Variants in SNTG1 observed in about 807,000 individuals in gnomAD.
The protein encoded by SNTG1 is gamma-1-syntrophin.
In SNTG1, 39 loss-of-function variants were observed where a neutral mutation model predicts 74.7. The ratio of observed to expected loss-of-function variants is 0.52; its 90% CI spans 0.40 to 0.68. SNTG1 has a LOEUF of 0.68. SNTG1 is among the 30% of genes least tolerant of loss of function. The probability of loss-of-function intolerance (pLI) is 0.00; values close to 1 mark genes in which losing one functional copy is unlikely to be tolerated. For synonymous variants in SNTG1, 254 were observed against 217.1 expected (o/e 1.17, Z -1.49); for missense variants, 685 against 609.5 (o/e 1.12, Z -1.30).
intron 2 of SNTG1, among the ~76,000 whole-genome samples, chr8:50,210,122 G>A (rs1226174632): frequency 6.6e-6 from 1 of 152,150 alleles, no homozygotes; most frequent in East Asian, 1.9e-4. Context: ...GGAAGAAGGA[G>A]TATCAGTGAT....
chr8:50,728,013 C>T (rs559671456), intron 17 of SNTG1, among the ~76,000 whole-genome samples: 2 of 152,236 alleles, frequency 1.3e-5, no homozygotes, highest in South Asian at 4.1e-4. Flanking sequence ...CCTCCACTTG[C>T]ACAGTACAGA....
At chr8:50,105,247 T>C (rs2080321258) in intron 1 of SNTG1, among the ~76,000 whole-genome samples, 1 of 152,182 alleles carries the variant, frequency 6.6e-6, no homozygotes, top group African/African-American at 2.4e-5. Context: ...CTTCTGCATA[T>C]GGGCAGCCAG....
chr8:50,129,505 G>T (rs1311852340), intron 1 of SNTG1, among the ~76,000 whole-genome samples: 5 of 151,972 alleles, frequency 3.3e-5, no homozygotes, highest in Non-Finnish European at 7.4e-5. Flanking sequence ...CACTGTCTTG[G>T]CCTGAGTTGT....
intron 1 of SNTG1, among the ~76,000 whole-genome samples, chr8:50,023,868 A>C (rs1289995825): frequency 6.6e-6 from 1 of 152,150 alleles, no homozygotes; most frequent in African/African-American, 2.4e-5. Flanking sequence ...AGCCTCCATC[A>C]AGGGTCTTTG....
chr8:50,555,722 A>G (rs1380520897), intron 12 of SNTG1, among the ~76,000 whole-genome samples: 1 of 152,158 alleles, frequency 6.6e-6, no homozygotes, highest in Non-Finnish European at 1.5e-5. Flanking sequence ...ATTCCACTCA[A>G]GAGATTATCA....
At chr8:50,389,077 G>A (rs988677815) in intron 2 of SNTG1, among the ~76,000 whole-genome samples, 4 of 152,166 alleles carry the variant, frequency 2.6e-5, no homozygotes, top group East Asian at 3.9e-4. Context: ...CTGTTCTCGT[G>A]CAATTGCAGA....
intron 5 of SNTG1, among the ~76,000 whole-genome samples, chr8:50,445,523 G>A (rs2093398835): frequency 6.6e-6 from 1 of 152,054 alleles, no homozygotes; most frequent in African/African-American, 2.4e-5. Context: ...GTTGTGTAGA[G>A]TCATTCTCAA....
At chr8:50,440,362 AT>A (rs1433597168) in intron 5 of SNTG1, among the ~76,000 whole-genome samples, 1 of 151,762 alleles carries the variant, frequency 6.6e-6, no homozygotes, top group African/African-American at 2.4e-5. Flanking sequence ...TCATTTTTCT[AT>A]TTTTTAAACT....
At chr8:50,694,731 C>T (rs533944421) in intron 15 of SNTG1, among the ~76,000 whole-genome samples, 36 of 152,044 alleles carry the variant, frequency 2.4e-4, no homozygotes, top group Non-Finnish European at 4.0e-4. Context: ...AATCATTTAC[C>T]ATGATCAAGT....
At chr8:50,309,358 GAC>G (rs1196775202) in intron 2 of SNTG1, among the ~76,000 whole-genome samples, 157 of 38,752 alleles carry the variant, frequency 4.1e-3, no homozygotes, top group African/African-American at 6.0e-3. Context: ...TCTTTTTTAA[GAC>G]AAAAAAAAAA....
intron 2 of SNTG1, among the ~76,000 whole-genome samples, chr8:50,280,100 A>C (rs1298772231): frequency 6.6e-6 from 1 of 152,198 alleles, no homozygotes; most frequent in Non-Finnish European, 1.5e-5. Context: ...TATTTGGGGT[A>C]GCATATTCTG....
intron 2 of SNTG1, among the ~76,000 whole-genome samples, chr8:50,293,535 G>A (rs903296812): frequency 6.6e-5 from 10 of 151,574 alleles, no homozygotes; most frequent in Middle Eastern, 6.8e-3. Context: ...TCAGCCTCCC[G>A]AGTGGCTGGG....
chr8:50,586,293 G>A (rs968112466), intron 12 of SNTG1, among the ~76,000 whole-genome samples: 1 of 152,082 alleles, frequency 6.6e-6, no homozygotes, highest in African/African-American at 2.4e-5. Flanking sequence ...TGCAGTTAAT[G>A]TCATTATTGA....
At chr8:50,007,053 G>T (rs547109987) in intron 1 of SNTG1, among the ~76,000 whole-genome samples, 4 of 152,114 alleles carry the variant, frequency 2.6e-5, no homozygotes, top group Admixed American at 6.5e-5. Context: ...GTGGGAGGAG[G>T]AGTCCCAGGA....
At chr8:50,025,896 T>C (rs935170198) in intron 1 of SNTG1, among the ~76,000 whole-genome samples, 1 of 152,150 alleles carries the variant, frequency 6.6e-6, no homozygotes, top group African/African-American at 2.4e-5. Context: ...GTTTCTCACA[T>C]TGATAAAATG....
chr8:49,973,418 A>AC (rs1251584856), intron 1 of SNTG1, among the ~76,000 whole-genome samples: 3 of 152,106 alleles, frequency 2.0e-5, no homozygotes, highest in African/African-American at 7.2e-5. Context: ...ATGTTAAATG[A>AC]CGAGTTAATG....
chr8:50,536,557 C>A (rs2094308577), intron 10 of SNTG1, 121 bp from the exon 11 acceptor site: 2 of 1,184,658 alleles, frequency 1.7e-6, no homozygotes, highest in Admixed American at 2.3e-5. Context: ...TCATGGTATT[C>A]CATTAAAGTC....
At chr8:50,164,479 C>T (rs2082541603) in intron 1 of SNTG1, 1 of 152,024 alleles carries the variant, frequency 6.6e-6, no homozygotes, top group Non-Finnish European at 1.5e-5. Flanking sequence ...TTTTGTTCTG[C>T]AAAATCAAAA....
chr8:50,600,847 GT>G, intron 13 of SNTG1, among the ~76,000 whole-genome samples: 1 of 150,676 alleles, frequency 6.6e-6, no homozygotes, highest in South Asian at 2.1e-4. Context: ...ATTGGGTTTG[GT>G]TTGCTGTTGC....
Sources: gnomAD v4.1 joint callset for allele counts (sites outside exome capture counted in the v4.1 genomes callset) on GRCh38, gnomAD v4.1.1 for gene constraint, MANE v1.5 for transcripts, NCBI Gene and HGNC (gene_info 2026-07-23, HGNC 2026-07-21) for gene names.